The following TANGO6 variants were observed in gnomAD, a reference collection of about 807,000 sequenced individuals.
TANGO6 encodes transport and golgi organization 6 homolog.
A neutral mutation model predicts 114.2 loss-of-function variants in TANGO6; 90 were observed. The ratio of observed to expected loss-of-function variants is 0.79; its 90% CI spans 0.66 to 0.94. The LOEUF is 0.94. Among genes scored for constraint, TANGO6 ranks in the 40% least tolerant of loss-of-function variants. The pLI, the probability that TANGO6 is intolerant of heterozygous loss-of-function variation, is 0.00. For missense variants in TANGO6, 1,274 were observed against 1,315.3 expected (o/e 0.97, Z 0.49); for synonymous variants, 477 against 509.8 (o/e 0.94, Z 0.87).
intron 2 of TANGO6, among the ~76,000 whole-genome samples, 181 bp downstream of exon 2, chr16:68,860,705 G>A (rs376929442): frequency 2.0e-5 from 3 of 152,092 alleles, no homozygotes; most frequent in Non-Finnish European, 2.9e-5. Flanking sequence ...TTGGGTTCTC[G>A]TCCTTTGCAC....
intron 12 of TANGO6, among the ~76,000 whole-genome samples, chr16:68,923,009 A>G (rs978192976): frequency 7.8e-6 from 1 of 128,534 alleles, no homozygotes; most frequent in Admixed American, 9.9e-5. Flanking sequence ...GTGCAATGGC[A>G]CGATCTCGGC....
chr16:68,963,112 G>T (rs1963610698), intron 14 of TANGO6, among the ~76,000 whole-genome samples: 2 of 145,950 alleles, frequency 1.4e-5, no homozygotes, highest in Non-Finnish European at 3.0e-5. Context: ...AAAAAAGCTT[G>T]TCCTTGTGCT....
At chr16:68,882,383 G>A (rs961216304) in intron 7 of TANGO6, among the ~76,000 whole-genome samples, 1 of 151,998 alleles carries the variant, frequency 6.6e-6, no homozygotes, top group Non-Finnish European at 1.5e-5. Context: ...TGTAGTCCCA[G>A]CTACTCGGGA....
At chr16:68,923,853 G>T (rs948264376) in intron 12 of TANGO6, among the ~76,000 whole-genome samples, 1 of 150,996 alleles carries the variant, frequency 6.6e-6, no homozygotes, top group Non-Finnish European at 1.5e-5. Context: ...TTTCAAAAGG[G>T]CATGAGCTCA....
At chr16:68,868,492 A>AT (rs765054621) in intron 4 of TANGO6, among the ~76,000 whole-genome samples, 1,355 of 93,604 alleles carry the variant, frequency 0.014, 15 homozygotes, top group Middle Eastern at 0.023. Context: ...CTATATTTCT[A>AT]TTTTTTTTTT....
At chr16:69,063,394 A>G (rs1427511616) in intron 17 of TANGO6, among the ~76,000 whole-genome samples, 2 of 151,970 alleles carry the variant, frequency 1.3e-5, no homozygotes, top group Admixed American at 6.6e-5. Flanking sequence ...GCGTGATGGC[A>G]GGCGCCTGTA....
rs947192575 is a variant in TANGO6, at chr16:68,910,000, A to G, written c.1992+598A>G. ...TATCACTATGCGAGTCAGTGTCTGA[A>G]TTGTATTGGCTCAGACATTATTTTT... is the stretch of plus-strand genomic sequence containing the variant. On this transcript the variant is annotated intron_variant, in intron 11 of 17. Coordinates refer to ENST00000261778, the MANE Select transcript of TANGO6 (RefSeq NM_024562.2). Among the ~76,000 whole-genome samples the G allele has an allele frequency of 5.3e-5, 8 of 152,214 alleles. No homozygotes were observed. In the East Asian group the frequency reaches 1.5e-3, roughly 29 times the overall value.
At chr16:69,015,021 T>C (rs1322875826) in intron 15 of TANGO6, among the ~76,000 whole-genome samples, 1 of 152,076 alleles carries the variant, frequency 6.6e-6, no homozygotes, top group East Asian at 1.9e-4. Flanking sequence ...TTGTTCTCCA[T>C]AGAAACCAGT....
chr16:68,969,217 T>C (rs762900715), intron 14 of TANGO6, among the ~76,000 whole-genome samples: 2 of 152,196 alleles, frequency 1.3e-5, no homozygotes, highest in Non-Finnish European at 2.9e-5. Flanking sequence ...TCTTGAATCT[T>C]GTGCTGACCC....
chr16:68,960,275 C>A (rs987452299), intron 14 of TANGO6, among the ~76,000 whole-genome samples: 2 of 149,036 alleles, frequency 1.3e-5, no homozygotes, highest in Non-Finnish European at 3.0e-5. Flanking sequence ...CTTCTTTATG[C>A]CTTCAGTCAG....
At chr16:69,024,489 G>A (rs1006280737) in intron 16 of TANGO6, among the ~76,000 whole-genome samples, 3 of 152,034 alleles carry the variant, frequency 2.0e-5, no homozygotes, top group African/African-American at 7.2e-5. Flanking sequence ...GACTGGTCTT[G>A]AACTCCTGCC....
intron 17 of TANGO6, among the ~76,000 whole-genome samples, chr16:69,068,487 C>A (rs1259223700): frequency 6.6e-6 from 1 of 152,098 alleles, no homozygotes; most frequent in Non-Finnish European, 1.5e-5. Context: ...AGACAAAATG[C>A]CTGGAATCAT....
intron 15 of TANGO6, among the ~76,000 whole-genome samples, chr16:69,012,131 G>A (rs1964147890): frequency 6.6e-6 from 1 of 152,206 alleles, no homozygotes; most frequent in African/African-American, 2.4e-5. Context: ...GCCAGGTGTT[G>A]TCATTACCAT....
chr16:68,908,969 T>G (rs752584219), intron 10 of TANGO6, among the ~76,000 whole-genome samples: 20 of 152,226 alleles, frequency 1.3e-4, no homozygotes, highest in Non-Finnish European at 2.5e-4. Context: ...CTATCTATAT[T>G]GATACCCATA....
At chr16:68,881,081 G>A (rs954257474) in intron 7 of TANGO6, among the ~76,000 whole-genome samples, 44 of 152,294 alleles carry the variant, frequency 2.9e-4, no homozygotes, top group African/African-American at 9.6e-4. Flanking sequence ...GAGCCACTGC[G>A]CCTGGCAAGC....
At position 68,860,497 on chromosome 16, in the gene TANGO6, A is replaced by G; in HGVS notation, c.708A>G (p.Lys236=). Residue 236 remains lysine, a synonymous_variant, in exon 2 of 18, where the codon AAA becomes AAG. Transcript: ENST00000261778. ...GLCQLGFCPT[K]RKLLTPAEEV... The stretch of plus-strand genomic sequence containing the variant: ...GCCAACTGGGATTCTGCCCAACCAA[A>G]AGAAAACTGCTAACACCTGCAGAAG... 1 of 1,613,716 alleles carries G rather than the reference A, an allele frequency of 6.2e-7. No homozygotes were observed. Among genetic ancestry groups the G allele is most frequent in the Non-Finnish European group, 8.5e-7 (1 of 1,179,798 alleles).
chr16:68,867,131 G>C lies in TANGO6; in HGVS notation c.905G>C (p.Arg302Pro). The change falls in exon 4 of 18, where the codon CGG becomes CCG. Residue 302 changes from arginine to proline, a missense_variant. By Grantham distance (103) the Arg-to-Pro change is moderately radical. Coordinates refer to ENST00000261778, the MANE Select transcript of TANGO6 (RefSeq NM_024562.2). The stretch of plus-strand genomic sequence containing the variant: ...AGGTGTCGGGCCCCAGCTTGGCTTC[G>C]GCGTCTATGTGGACAGCTGCTCTCT... ...QMRCRAPAWL[R>P]RLCGQLLSER... The C allele has an allele frequency of 1.2e-6, 2 of 1,613,788 alleles. No individual in the cohort carries two copies. The highest frequency in any genetic ancestry group is 2.7e-5 in the African/African-American group (2 of 74,984).
intron 14 of TANGO6, among the ~76,000 whole-genome samples, chr16:68,940,909 C>G (rs1186896225): frequency 1.3e-5 from 2 of 152,070 alleles, no homozygotes; most frequent in Admixed American, 6.6e-5. Context: ...CACATTTAAA[C>G]AGTCTTGCGG....
At chr16:69,050,352 T>C (rs893628276) in intron 17 of TANGO6, among the ~76,000 whole-genome samples, 2 of 152,144 alleles carry the variant, frequency 1.3e-5, no homozygotes, top group African/African-American at 4.8e-5. Context: ...TTTTTGTTTT[T>C]GTTTTTTCTG....
Sources: gnomAD v4.1 joint callset for allele counts (sites outside exome capture counted in the v4.1 genomes callset) on GRCh38, gnomAD v4.1.1 for gene constraint, MANE v1.5 for transcripts, NCBI Gene and HGNC (gene_info 2026-07-23, HGNC 2026-07-21) for gene names.